MOV10L1: variants seen among roughly 807,000 people sequenced by gnomAD.
MOV10L1 encodes Mov10 like RNA helicase 1, also known as RNA helicase Mov10l1.
Under a neutral mutation model 143.8 loss-of-function variants are expected in MOV10L1, and 110 were observed. That is an observed-to-expected ratio of 0.76 (90% confidence interval 0.66 to 0.90). The LOEUF (loss-of-function observed/expected upper bound fraction) is 0.90, where lower values mean the gene tolerates loss of function less well. MOV10L1 is among the 40% of genes least tolerant of loss of function. MOV10L1 has a pLI of 0.00. For missense variants in MOV10L1, 1,406 were observed against 1,526.8 expected (o/e 0.92, Z 1.32); for synonymous variants, 593 against 581.1 (o/e 1.02, Z -0.29).
At chr22:50,146,108 C>T (rs981904318) in intron 19 of MOV10L1, among the ~76,000 whole-genome samples, 2 of 152,026 alleles carry the variant, frequency 1.3e-5, no homozygotes, top group African/African-American at 4.8e-5. Flanking sequence ...AGAGCCAGAG[C>T]CTCGTGAGCA....
intron 20 of MOV10L1, among the ~76,000 whole-genome samples, chr22:50,150,040 C>A (rs958538922): frequency 4.6e-5 from 7 of 152,128 alleles, no homozygotes; most frequent in African/African-American, 1.4e-4. Context: ...AGTGCTCCTG[C>A]ATCTGACCCA....
intron 12 of MOV10L1, 53 bp downstream of exon 12, chr22:50,126,325 T>C: frequency 7.1e-7 from 1 of 1,404,958 alleles, no homozygotes; most frequent in Non-Finnish European, 1.0e-6. Context: ...TTCTGACCGG[T>C]TGGAAAGGTA....
chr22:50,104,329 G>A (rs2061817076), intron 3 of MOV10L1, among the ~76,000 whole-genome samples: 1 of 152,202 alleles, frequency 6.6e-6, no homozygotes, highest in Admixed American at 6.5e-5. Flanking sequence ...AGCCTGCCCT[G>A]TGTGGACTGT....
chr22:50,161,409 C>G lies in MOV10L1; in HGVS notation c.3596C>G (p.Pro1199Arg). The change falls in exon 27 of 27, where the codon CCA becomes CGA. Residue 1199 changes from proline to arginine, a missense_variant. By Grantham distance (103) the Pro-to-Arg change is moderately radical. This residue lies in a region of MOV10L1 where 1,233 missense variants were observed against 1,351.4 expected (regional missense o/e 0.91). Transcript: ENST00000262794. ...GCAGACCCCTCCTACCCAGTGGTGCCAGAATCCACAGGACCAGAGAAGCAT... is the reference window on the plus strand; with the variant it reads ...GCAGACCCCTCCTACCCAGTGGTGCGAGAATCCACAGGACCAGAGAAGCAT... ...GVADPSYPVV[P>R]ESTGPEKHQE... The G allele has an allele frequency of 6.2e-7, 1 of 1,601,312 alleles. No homozygotes were observed. Among genetic ancestry groups the G allele is most frequent in the Non-Finnish European group, 8.5e-7 (1 of 1,174,142 alleles).
intron 5 of MOV10L1, among the ~76,000 whole-genome samples, chr22:50,113,247 C>G (rs1473676048): frequency 6.6e-6 from 1 of 152,178 alleles, no homozygotes; most frequent in African/African-American, 2.4e-5. Flanking sequence ...AAAACTCTTT[C>G]CAAAGCAAGT....
intron 22 of MOV10L1, among the ~76,000 whole-genome samples, chr22:50,156,589 A>G (rs1463858837): frequency 6.6e-6 from 1 of 152,226 alleles, no homozygotes; most frequent in Non-Finnish European, 1.5e-5. Context: ...CAGGTGTTCT[A>G]GGTACTTCAT....
chr22:50,120,113 T>C (rs2062297633), intron 9 of MOV10L1, among the ~76,000 whole-genome samples: 1 of 152,168 alleles, frequency 6.6e-6, no homozygotes, highest in Non-Finnish European at 1.5e-5. Context: ...TTTCCTAATG[T>C]GTGCTTTGCA....
intron 9 of MOV10L1, among the ~76,000 whole-genome samples, chr22:50,118,920 G>T (rs1004506142): frequency 6.6e-6 from 1 of 152,120 alleles, no homozygotes; most frequent in Non-Finnish European, 1.5e-5. Flanking sequence ...TTAGTCATCG[G>T]TTTCTTTAAC....
chr22:50,156,495 A>C (rs1175770316), intron 22 of MOV10L1, among the ~76,000 whole-genome samples: 4 of 152,250 alleles, frequency 2.6e-5, no homozygotes, highest in Admixed American at 1.3e-4. Context: ...ATCTTGCAGT[A>C]TTAAAATTCT....
At chr22:50,131,143 T>G (rs987720988) in intron 13 of MOV10L1, among the ~76,000 whole-genome samples, 1 of 151,612 alleles carries the variant, frequency 6.6e-6, no homozygotes, top group Non-Finnish European at 1.5e-5. Flanking sequence ...CTCCTGACCT[T>G]GTGATCTGCC....
chr22:50,090,050 G>GGCA lies in MOV10L1; in HGVS notation c.-36_-34dup. ...AGCGGCGCGGGCGCGTGCGGGCGGC[G>GGCA]GCAGCGGCGGTGACGGCAGCCTAGG... is the stretch of plus-strand genomic sequence containing the variant. On this transcript the variant is annotated 5_prime_UTR_variant, in exon 1 of 27. Coordinates refer to ENST00000262794, the MANE Select transcript of MOV10L1 (RefSeq NM_018995.3). The GGCA allele has an allele frequency of 8.3e-7, 1 of 1,211,026 alleles. No individual in the cohort carries two copies. Among genetic ancestry groups the GGCA allele is most frequent in the Non-Finnish European group, 1.0e-6 (1 of 972,334 alleles). The allele number at this position is 1,211,026 out of a possible 1,614,324, so 75.0% of individuals were successfully genotyped here.
chr22:50,103,366 C>CT (rs1481639681), intron 3 of MOV10L1, among the ~76,000 whole-genome samples: 1 of 152,202 alleles, frequency 6.6e-6, no homozygotes, highest in East Asian at 1.9e-4. Context: ...GGTAAACCCT[C>CT]TGCCATTTGG....
chr22:50,092,107 A>G lies in MOV10L1; in HGVS notation c.204A>G (p.Arg68=). Reference sequence around the variant, plus strand: ...TCTCCAGTGATGCTGTGACTAGCAGAGTGCTTCTGAATGTTGGACAGGAAG... The same window carrying G: ...TCTCCAGTGATGCTGTGACTAGCAGGGTGCTTCTGAATGTTGGACAGGAAG... ...IYFSSDAVTS[R]VLLNVGQEVI... The change falls in exon 2 of 27, where the codon AGA becomes AGG. Residue 68 remains arginine, a synonymous_variant. Transcript: ENST00000262794. 1 of 1,614,194 alleles carries G rather than the reference A, an allele frequency of 6.2e-7. No individual in the cohort carries two copies. Among genetic ancestry groups the G allele is most frequent in the Non-Finnish European group, 8.5e-7 (1 of 1,180,026 alleles).
chr22:50,106,756 C>T (rs1165472525), intron 3 of MOV10L1, among the ~76,000 whole-genome samples: 3 of 142,038 alleles, frequency 2.1e-5, no homozygotes, highest in Non-Finnish European at 4.5e-5. Flanking sequence ...GGCTGGAGTG[C>T]AGTGGCTCAA....
Position 50,153,095 on chromosome 22 carries a change from G to A in MOV10L1, c.2943G>A (p.Leu981=). ...GGTCCCACGAGGCCCTGCTGATGCT[G>A]CCCTCACGGCTGTTCTACCACAGGG... ...NYRSHEALLM[L]PSRLFYHREL... The change falls in exon 22 of 27, where the codon CTG becomes CTA. Residue 981 remains leucine (L), a synonymous_variant. Coordinates refer to ENST00000262794, the MANE Select transcript of MOV10L1 (RefSeq NM_018995.3). 2 of 1,613,048 alleles carry A rather than the reference G, an allele frequency of 1.2e-6. No individual in the cohort carries two copies. The highest frequency in any genetic ancestry group is 1.7e-6 in the Non-Finnish European group (2 of 1,179,090).
intron 21 of MOV10L1, among the ~76,000 whole-genome samples, chr22:50,151,655 G>A (rs575938801): frequency 2.0e-5 from 3 of 152,314 alleles, no homozygotes; most frequent in South Asian, 4.1e-4. Flanking sequence ...CCCAGAGGGC[G>A]CCTGAGAGCT....
chr22:50,157,691 A>G (rs1004159983), intron 22 of MOV10L1, among the ~76,000 whole-genome samples: 4 of 150,580 alleles, frequency 2.7e-5, no homozygotes, highest in Non-Finnish European at 5.9e-5. Flanking sequence ...TTATGTCAGT[A>G]TATCTCATTA....
At chr22:50,155,021 TTTC>T (rs1169979213) in intron 22 of MOV10L1, among the ~76,000 whole-genome samples, 17 of 152,194 alleles carry the variant, frequency 1.1e-4, no homozygotes, top group African/African-American at 4.1e-4. Flanking sequence ...TTTCACATGA[TTTC>T]TTCTTTATCT....
rs150056734 is a variant in MOV10L1, at chr22:50,113,690, G to T, written c.786G>T (p.Thr262=). Reference sequence around the variant, plus strand: ...ATGAGGCCACTCATTTCTATGGAACGATTTTGCTGAAGAACAAAGGTGATA... The same window carrying T: ...ATGAGGCCACTCATTTCTATGGAACTATTTTGCTGAAGAACAAAGGTGATA... The part of the protein sequence containing the change: ...PVHEATHFYG[T]ILLKNKGDIE... The change falls in exon 6 of 27, where the codon ACG becomes ACT. Residue 262 remains threonine, a synonymous_variant. Coordinates refer to ENST00000262794, the MANE Select transcript of MOV10L1 (RefSeq NM_018995.3). 2.4e-4 allele frequency: 388 copies of T among 1,613,964 alleles called. 1 individual carries two copies. In the Admixed American group the frequency reaches 2.4e-3, roughly 10 times the overall value.
Sources: gnomAD v4.1 joint callset for allele counts (sites outside exome capture counted in the v4.1 genomes callset) on GRCh38, gnomAD v4.1.1 for gene constraint, gnomAD v4.1.1 regional missense constraint, MANE v1.5 for transcripts, NCBI Gene and HGNC (gene_info 2026-07-23, HGNC 2026-07-21) for gene names.